The following LEF1 variants were observed in gnomAD, a reference collection of about 807,000 sequenced individuals.
LEF1 encodes lymphoid enhancer binding factor 1.
LEF1 carries 14 observed loss-of-function variants against 51.2 expected under a neutral mutation model. The ratio of observed to expected loss-of-function variants is 0.27; its 90% CI spans 0.18 to 0.43. LEF1 has a LOEUF of 0.43. Ranked by LOEUF, LEF1 falls within the 20% of genes least tolerant of loss-of-function variation. The pLI is 1.00. For missense variants in LEF1, 386 were observed against 512.0 expected, an observed-to-expected ratio of 0.75 and a Z score of 2.37; for synonymous variants, 185 against 183.2, an observed-to-expected ratio of 1.01 and a Z score of -0.08.
At chr4:108,056,529 T>A (rs1737313601) in intron 11 of LEF1, among the ~76,000 whole-genome samples, 1 of 152,222 alleles carries the variant, frequency 6.6e-6, no homozygotes, top group South Asian at 2.1e-4. Flanking sequence ...CACGCATAAC[T>A]GAGTCTAACC....
At chr4:108,078,134 A>C in intron 8 of LEF1, 86 bp downstream of exon 8, 1 of 1,233,146 alleles carries the variant, frequency 8.1e-7, no homozygotes, top group Non-Finnish European at 1.2e-6. Context: ...TTCTATGACC[A>C]CCTGATATGG....
chr4:108,104,210 G>A (rs1306749878), intron 3 of LEF1, among the ~76,000 whole-genome samples: 1 of 151,916 alleles, frequency 6.6e-6, no homozygotes, highest in Admixed American at 6.6e-5. Context: ...ACCAGGCAAA[G>A]TCATAGTAAC....
rs148458632 is a variant in LEF1 at position 108,163,575 on chromosome 4, G to A, written c.407C>T (p.Pro136Leu). 3.2e-4 allele frequency: 515 copies of A among 1,612,580 alleles called. 3 individuals are homozygous for A. In the African/African-American group the frequency reaches 5.5e-3, roughly 17 times the overall value. The change falls in exon 3 of 12, where the codon CCG (proline) becomes CTG (leucine). Residue 136 changes from proline (P) to leucine (L), a missense_variant. This residue lies in a region of LEF1 where 335 missense variants were observed against 390.7 expected (regional missense o/e 0.86). Coordinates refer to ENST00000265165, the MANE Select transcript of LEF1 (RefSeq NM_016269.5). ...CATCAGCATGTTACTTACTGTTCTC[G>A]GGATGGGTGGAGAAAGAGATCCATT... is the stretch of plus-strand genomic sequence containing the variant. ...MSNGSLSPPI[P>L]RTSNKVPVVQ...
intron 3 of LEF1, among the ~76,000 whole-genome samples, chr4:108,147,092 C>A (rs1166101000): frequency 6.6e-6 from 1 of 152,076 alleles, no homozygotes; most frequent in African/African-American, 2.4e-5. Flanking sequence ...TACACCATTG[C>A]ACTCCAGCCT....
chr4:108,068,378 G>A (rs890515796), intron 9 of LEF1, among the ~76,000 whole-genome samples: 44 of 152,308 alleles, frequency 2.9e-4, no homozygotes, highest in Middle Eastern at 3.4e-3. Flanking sequence ...AGTGACCTGG[G>A]TGAAAACTTC....
At chr4:108,096,110 C>G (rs547422689) in intron 3 of LEF1, among the ~76,000 whole-genome samples, 31 of 152,286 alleles carry the variant, frequency 2.0e-4, no homozygotes, top group African/African-American at 7.0e-4. Context: ...TTGCAACTTA[C>G]TTACTTGTAC....
At chr4:108,082,350 T>C (rs1739361978) in intron 5 of LEF1, among the ~76,000 whole-genome samples, 1 of 152,130 alleles carries the variant, frequency 6.6e-6, no homozygotes, top group Non-Finnish European at 1.5e-5. Context: ...ATAATTGATC[T>C]AGGTTTGAAA....
At chr4:108,081,834 C>T (rs1385168407) in intron 5 of LEF1, among the ~76,000 whole-genome samples, 165 bp from the exon 6 acceptor site, 1 of 152,178 alleles carries the variant, frequency 6.6e-6, no homozygotes, top group Admixed American at 6.5e-5. Context: ...CTTCCTTACC[C>T]TCCACCCAAT....
chr4:108,057,034 C>T (rs892610024), intron 11 of LEF1, among the ~76,000 whole-genome samples: 2 of 152,022 alleles, frequency 1.3e-5, no homozygotes, highest in Non-Finnish European at 2.9e-5. Context: ...CCCTGGCTGC[C>T]GTGCGACACT....
intron 3 of LEF1, among the ~76,000 whole-genome samples, chr4:108,126,357 G>A (rs922951823): frequency 3.2e-4 from 49 of 152,140 alleles, no homozygotes; most frequent in African/African-American, 1.1e-3. Context: ...TCTTTGGTAT[G>A]TACATTAGGG....
chr4:108,110,462 T>C (rs1741457093), intron 3 of LEF1, among the ~76,000 whole-genome samples: 1 of 152,176 alleles, frequency 6.6e-6, no homozygotes, highest in Non-Finnish European at 1.5e-5. Context: ...GTCTTTGAGA[T>C]TGAATTTTTA....
chr4:108,160,009 C>T (rs556295214), intron 3 of LEF1, among the ~76,000 whole-genome samples: 9 of 152,294 alleles, frequency 5.9e-5, no homozygotes, highest in Admixed American at 3.3e-4. Flanking sequence ...TGAGCTGCAA[C>T]GTTTGCTGCA....
chr4:108,089,248 C>T lies in LEF1; in HGVS notation c.424G>A (p.Val142Met). The T allele has an allele frequency of 6.2e-7, 1 of 1,613,570 alleles. No individual in the cohort carries two copies. The highest frequency in any genetic ancestry group is 8.5e-7 in the Non-Finnish European group (1 of 1,179,772). Residue 142 changes from valine (V) to methionine (M), a missense_variant, in exon 4 of 12, where the codon GTG becomes ATG. By Grantham distance (21) the Val-to-Met change is conservative. Transcript: ENST00000265165. ...GCATGGGATGGCTGCACCACGGGCA[C>T]TTTATTTGACTGCAAAGTAACCACA... Reference protein sequence around the residue: ...SPPIPRTSNKVPVVQPSHAVH... With the variant: ...SPPIPRTSNKMPVVQPSHAVH...
chr4:108,162,918 T>C (rs1745154185), intron 3 of LEF1, among the ~76,000 whole-genome samples: 1 of 152,320 alleles, frequency 6.6e-6, no homozygotes, highest in African/African-American at 2.4e-5. Context: ...TATAATGTTA[T>C]GCATTTGCAT....
At chr4:108,144,865 C>CAAAAAAAAAAAAAAAAA (rs11394687) in intron 3 of LEF1, among the ~76,000 whole-genome samples, 1 of 41,926 alleles carries the variant, frequency 2.4e-5, no homozygotes, top group African/African-American at 9.9e-5. Context: ...CCCAACCAGC[C>CAAAAAAAAAAAAAAAAA]AAAAAAAAAA....
At chr4:108,163,117 C>T (rs2221339) in intron 3 of LEF1, among the ~76,000 whole-genome samples, 6,365 of 152,240 alleles carry the variant, frequency 0.042, 443 homozygotes, top group African/African-American at 0.14. Context: ...TACAATAAAA[C>T]AAGACACCAT....
intron 4 of LEF1, among the ~76,000 whole-genome samples, chr4:108,084,987 C>A (rs1231986624): frequency 6.6e-6 from 1 of 152,114 alleles, no homozygotes; most frequent in Non-Finnish European, 1.5e-5. Context: ...ATTTGACCAA[C>A]CCTGAAAAAC....
chr4:108,126,804 C>CAAAA (rs11329450), intron 3 of LEF1, among the ~76,000 whole-genome samples: 22 of 97,282 alleles, frequency 2.3e-4, no homozygotes, highest in African/African-American at 9.1e-4. Flanking sequence ...GACTTTCTCT[C>CAAAA]AAAAAAAAAA....
chr4:108,066,113 G>C (rs1738063028), intron 9 of LEF1, among the ~76,000 whole-genome samples: 1 of 152,174 alleles, frequency 6.6e-6, no homozygotes, highest in African/African-American at 2.4e-5. Context: ...ACGTTGGCCA[G>C]GCTGGCCTTG....
Sources: gnomAD v4.1 joint callset for allele counts (sites outside exome capture counted in the v4.1 genomes callset) on GRCh38, gnomAD v4.1.1 for gene constraint, gnomAD v4.1.1 regional missense constraint, MANE v1.5 for transcripts, NCBI Gene and HGNC (gene_info 2026-07-23, HGNC 2026-07-21) for gene names.